Variants in CFHR5 observed in about 807,000 individuals in gnomAD.
CFHR5 encodes complement factor H-related protein 5.
Under a neutral mutation model 62.9 loss-of-function variants are expected in CFHR5, and 73 were observed. The observed-to-expected ratio is 1.16, with a 90% CI of 0.96 to 1.41. CFHR5 has a LOEUF of 1.41. CFHR5 is among the 40% of genes most tolerant of loss of function. CFHR5 has a pLI of 0.00. For missense variants in CFHR5, 779 were observed against 679.9 expected, an observed-to-expected ratio of 1.15 and a Z score of -1.62; for synonymous variants, 249 against 227.2, an observed-to-expected ratio of 1.10 and a Z score of -0.86.
Position 196,977,708 on chromosome 1 carries a change from C to A in CFHR5, c.44C>A (p.Thr15Asn). The change falls in exon 1 of 10, where the codon ACT becomes AAT. Residue 15 changes from threonine (T) to asparagine (N), a missense_variant. Physicochemically the swap from Thr to Asn is moderately conservative, Grantham distance 65. Coordinates refer to ENST00000256785, the MANE Select transcript of CFHR5 (RefSeq NM_030787.4). ...GTAATCCTAATCTCATGGGTATCCA[C>A]TGTTGGGGGAGAAGGTAAGTTGAAA... is the stretch of plus-strand genomic sequence containing the variant. ...FSVILISWVS[T>N]VGGEGTLCDF... The A allele has an allele frequency of 1.9e-6, 3 of 1,612,484 alleles. No homozygotes were observed. Among genetic ancestry groups the A allele is most frequent in the Non-Finnish European group, 2.5e-6 (3 of 1,178,684 alleles).
chr1:197,006,113 A>G (rs1461387681), intron 9 of CFHR5, among the ~76,000 whole-genome samples: 1 of 152,194 alleles, frequency 6.6e-6, no homozygotes, highest in African/African-American at 2.4e-5. Flanking sequence ...ATAATTTAAA[A>G]TTCGCAGAAA....
At chr1:196,993,399 A>G (rs2125033070) in intron 3 of CFHR5, among the ~76,000 whole-genome samples, 1 of 152,136 alleles carries the variant, frequency 6.6e-6, no homozygotes, top group East Asian at 1.9e-4. Context: ...GGTTCAAGTG[A>G]TTCACCTGCC....
intron 1 of CFHR5, among the ~76,000 whole-genome samples, chr1:196,979,138 G>T (rs1653470742): frequency 6.6e-6 from 1 of 152,128 alleles, no homozygotes; most frequent in Non-Finnish European, 1.5e-5. Context: ...CTGTAGCAAA[G>T]AAGCTGGAAA....
intron 1 of CFHR5, among the ~76,000 whole-genome samples, chr1:196,979,958 T>C (rs555318432): frequency 6.0e-4 from 91 of 152,144 alleles, no homozygotes; most frequent in African/African-American, 8.2e-4. Flanking sequence ...CTTGTATAGA[T>C]GTACAAAATA....
At chr1:196,982,045 A>G (rs1454785062) in intron 1 of CFHR5, among the ~76,000 whole-genome samples, 1 of 152,122 alleles carries the variant, frequency 6.6e-6, no homozygotes, top group African/African-American at 2.4e-5. Flanking sequence ...CTGAAACCAC[A>G]TAAACTTTGT....
chr1:196,987,837 GTCTTGGC>G (rs1653736520), intron 3 of CFHR5, among the ~76,000 whole-genome samples: 1 of 152,146 alleles, frequency 6.6e-6, no homozygotes, highest in Admixed American at 6.5e-5. Flanking sequence ...GCTTAGGATT[GTCTTGGC>G]AATGCAGCCC....
chr1:196,977,102 C>T (rs892271701), upstream of CFHR5, among the ~76,000 whole-genome samples: 10 of 151,774 alleles, frequency 6.6e-5, no homozygotes, highest in Non-Finnish European at 8.8e-5. Flanking sequence ...CCATTGCGCC[C>T]GGCCAGCAAA....
At chr1:196,998,707 G>C (rs1001630050) in intron 7 of CFHR5, among the ~76,000 whole-genome samples, 1 of 151,946 alleles carries the variant, frequency 6.6e-6, no homozygotes, top group Non-Finnish European at 1.5e-5. Context: ...GGCTGAGAAA[G>C]AAAATATATT....
At chr1:196,977,839 G>T in intron 1 of CFHR5, 117 bp downstream of exon 1, 1 of 815,314 alleles carries the variant, frequency 1.2e-6, no homozygotes. Flanking sequence ...AATTTGAAGG[G>T]GTATCACAAT....
intron 4 of CFHR5, among the ~76,000 whole-genome samples, chr1:196,995,140 C>T (rs1653956015): frequency 6.6e-6 from 1 of 152,054 alleles, no homozygotes; most frequent in Admixed American, 6.6e-5. Flanking sequence ...TATTTGATAA[C>T]TATTTACTTT....
In CFHR5 at chr1:196,999,683, GTATATATATATATATATA is replaced by G. The variant is rs35191504; in HGVS notation, c.1147+1402_1147+1419del. ...TTAAACTTATCTATTTTGGGAAAAA[GTATATATATATATATATA>G]TATATATATATATATATATATACAC... is the stretch of plus-strand genomic sequence containing the variant. On this transcript the variant is annotated intron_variant, in intron 7 of 9. Coordinates refer to ENST00000256785, the MANE Select transcript of CFHR5 (RefSeq NM_030787.4). Among the ~76,000 whole-genome samples, 100 of 110,652 alleles carry G rather than the reference GTATATATATATATATATA, an allele frequency of 9.0e-4. 2 individuals are homozygous for G. The highest frequency in any genetic ancestry group is 8.6e-4 in the East Asian group (2 of 2,314). The allele number at this position is 110,652 out of a possible 152,430, so 72.6% of individuals were successfully genotyped here.
chr1:196,977,870 T>C, intron 1 of CFHR5, 148 bp downstream of exon 1: 1 of 714,224 alleles, frequency 1.4e-6, no homozygotes, highest in Non-Finnish European at 2.5e-6. Context: ...TTTCTGGAAA[T>C]ATTTTCCAAC....
chr1:197,007,947 T>C (rs1331022385), intron 9 of CFHR5, among the ~76,000 whole-genome samples: 1 of 147,606 alleles, frequency 6.8e-6, no homozygotes, highest in Non-Finnish European at 1.5e-5. Flanking sequence ...TAAATGTATG[T>C]TATATATACA....
At chr1:196,991,615 A>G (rs1011595347) in intron 3 of CFHR5, among the ~76,000 whole-genome samples, 1 of 152,164 alleles carries the variant, frequency 6.6e-6, no homozygotes, top group Non-Finnish European at 1.5e-5. Flanking sequence ...CCTTCTAACA[A>G]TCAGGTCCCT....
intron 9 of CFHR5, among the ~76,000 whole-genome samples, chr1:197,006,521 G>A (rs1157065107): frequency 6.6e-6 from 1 of 151,960 alleles, no homozygotes; most frequent in Non-Finnish European, 1.5e-5. Context: ...AGACTAGCCT[G>A]ACCAATATGG....
intron 4 of CFHR5, 105 bp from the exon 5 acceptor site, chr1:196,995,612 G>T: frequency 1.1e-6 from 1 of 917,448 alleles, no homozygotes; most frequent in Non-Finnish European, 1.8e-6. Flanking sequence ...AAAAATAGAA[G>T]TGCAATATAA....
At chr1:196,990,332 A>G (rs575520903) in intron 3 of CFHR5, among the ~76,000 whole-genome samples, 1 of 152,166 alleles carries the variant, frequency 6.6e-6, no homozygotes, top group Non-Finnish European at 1.5e-5. Flanking sequence ...ACAATTTGCC[A>G]GTCTGTGTCT....
At chr1:197,000,335 T>C (rs1420465578) in intron 7 of CFHR5, among the ~76,000 whole-genome samples, 1 of 152,072 alleles carries the variant, frequency 6.6e-6, no homozygotes, top group Non-Finnish European at 1.5e-5. Context: ...AATACATGGC[T>C]TCAAGAAGTT....
In CFHR5 at chr1:197,008,576, G is replaced by T; in HGVS notation, c.1603G>T (p.Asp535Tyr). The change falls in exon 10 of 10, where the codon GAT (aspartate) becomes TAT (tyrosine). Residue 535 changes from aspartate to tyrosine, a missense_variant. By Grantham distance (160) the Asp-to-Tyr change is radical. Coordinates refer to ENST00000256785, the MANE Select transcript of CFHR5 (RefSeq NM_030787.4). Reference sequence around the variant, plus strand: ...TGGAAAACTCTATGCAAAAACAGGGGATGCTGTTGAATTCCAGTGTAAATT... The same window carrying T: ...TGGAAAACTCTATGCAAAAACAGGGTATGCTGTTGAATTCCAGTGTAAATT... Reference protein sequence around the residue: ...NDGKLYAKTGDAVEFQCKFPH... With the variant: ...NDGKLYAKTGYAVEFQCKFPH... 4.3e-6 allele frequency: 7 copies of T among 1,613,330 alleles called. No homozygotes were observed. The highest frequency in any genetic ancestry group is 4.5e-5 in the East Asian group (2 of 44,816).
Sources: gnomAD v4.1 joint callset for allele counts (sites outside exome capture counted in the v4.1 genomes callset) on GRCh38, gnomAD v4.1.1 for gene constraint, MANE v1.5 for transcripts, NCBI Gene and HGNC (gene_info 2026-07-23, HGNC 2026-07-21) for gene names.